BRI3BP: variants seen among roughly 807,000 people sequenced by gnomAD.
The protein encoded by BRI3BP is BRI3 binding protein.
A neutral mutation model predicts 15.8 loss-of-function variants in BRI3BP; 7 were observed. The ratio of observed to expected loss-of-function variants is 0.44; its 90% CI spans 0.25 to 0.83. The LOEUF is 0.83. Among genes scored for constraint, BRI3BP ranks in the 40% least tolerant of loss-of-function variants. The probability of loss-of-function intolerance (pLI) is 0.20; values close to 1 mark genes in which losing one functional copy is unlikely to be tolerated. For synonymous variants in BRI3BP, 192 were observed against 163.5 expected (o/e 1.17, Z -1.33); for missense variants, 320 against 339.3 (o/e 0.94, Z 0.45).
At chr12:125,012,278 A>C (rs1047725879) in intron 1 of BRI3BP, among the ~76,000 whole-genome samples, 2 of 152,222 alleles carry the variant, frequency 1.3e-5, no homozygotes, top group Non-Finnish European at 2.9e-5. Context: ...GCGGCCCTGC[A>C]GAGAGTCCCA....
chr12:124,997,002 G>A (rs530098742), intron 1 of BRI3BP, among the ~76,000 whole-genome samples: 2 of 150,228 alleles, frequency 1.3e-5, no homozygotes, highest in East Asian at 2.0e-4. Context: ...CTCGTAATCC[G>A]CCCTCCTCAG....
At chr12:125,035,171 G>T (rs1339144726), downstream of BRI3BP, among the ~76,000 whole-genome samples, 3 of 152,166 alleles carry the variant, frequency 2.0e-5, no homozygotes, top group Non-Finnish European at 2.9e-5. Context: ...GACTTTGTAT[G>T]AACATACTTT....
At chr12:125,036,472 T>A in the BRI3BP span, among the ~76,000 whole-genome samples, 3 of 152,226 alleles carry the variant, frequency 2.0e-5, no homozygotes, top group South Asian at 6.2e-4. Context: ...CTGCTCATCA[T>A]TGATTATATT....
chr12:125,008,980 T>A (rs11613126), intron 1 of BRI3BP, among the ~76,000 whole-genome samples: 17,793 of 107,744 alleles, frequency 0.17, 1,312 homozygotes, highest in South Asian at 0.37. Context: ...CCTATGAAAA[T>A]TTTTTTTTTT....
At chr12:125,040,388 A>G in the BRI3BP span, among the ~76,000 whole-genome samples, 28 of 151,504 alleles carry the variant, frequency 1.8e-4, no homozygotes, top group East Asian at 5.3e-3. Context: ...CTTTTTGCCC[A>G]GGCTGGAGTG....
chr12:125,011,881 C>T (rs1417330101), intron 1 of BRI3BP, among the ~76,000 whole-genome samples: 1 of 152,158 alleles, frequency 6.6e-6, no homozygotes, highest in Non-Finnish European at 1.5e-5. Flanking sequence ...GCAGAAACTT[C>T]CACTCTTTAA....
rs1955206254 is a variant in BRI3BP at position 125,012,607 on chromosome 12, C to T, written c.287C>T (p.Thr96Ile). 5.0e-6 allele frequency: 8 copies of T among 1,611,544 alleles called. No individual in the cohort carries two copies. The highest frequency in any genetic ancestry group is 5.9e-6 in the Non-Finnish European group (7 of 1,177,764). ...GTGGAGACACTGTGGAAAGTCTGGA[C>T]CGAGCTCTTGGATGTTCTTGGACTT... ...MFVETLWKVW[T>I]ELLDVLGLDV... Residue 96 changes from threonine to isoleucine, a missense_variant, in exon 2 of 3, where the codon ACC becomes ATC. Transcript: ENST00000341446.
At chr12:125,005,773 TTA>T (rs1491198269) in intron 1 of BRI3BP, among the ~76,000 whole-genome samples, 29 of 135,858 alleles carry the variant, frequency 2.1e-4, no homozygotes, top group Admixed American at 4.5e-4. Flanking sequence ...GCAAGACTGT[TTA>T]AAAAAAAAAA....
At chr12:125,037,478 A>G in the BRI3BP span, among the ~76,000 whole-genome samples, 82,204 of 152,098 alleles carry the variant, frequency 0.54, 24,183 homozygotes, top group East Asian at 0.69. Flanking sequence ...CCCTGGAGGA[A>G]GTCCCATCTG....
the BRI3BP span, among the ~76,000 whole-genome samples, chr12:125,045,053 A>G: frequency 6.6e-6 from 1 of 152,236 alleles, no homozygotes; most frequent in Non-Finnish European, 1.5e-5. Flanking sequence ...TCTCATTCTT[A>G]TATCTATACC....
intron 1 of BRI3BP, among the ~76,000 whole-genome samples, chr12:125,010,084 A>G (rs1009535986): frequency 6.7e-6 from 1 of 150,028 alleles, no homozygotes; most frequent in Non-Finnish European, 1.5e-5. Context: ...CCTGGGTGAC[A>G]GAGTGAGACC....
chr12:125,050,312 T>C, the BRI3BP span, among the ~76,000 whole-genome samples: 3 of 150,876 alleles, frequency 2.0e-5, no homozygotes, highest in Admixed American at 6.6e-5. Flanking sequence ...ATCACGCCAC[T>C]GCCCTCCAGG....
chr12:125,013,898 G>A (rs898458838), intron 2 of BRI3BP, among the ~76,000 whole-genome samples: 6 of 152,232 alleles, frequency 3.9e-5, no homozygotes, highest in African/African-American at 1.2e-4. Flanking sequence ...AACGGTCATG[G>A]TAACTGAGCT....
intron 1 of BRI3BP, among the ~76,000 whole-genome samples, chr12:125,002,526 T>G (rs1296331406): frequency 1.3e-5 from 2 of 151,076 alleles, no homozygotes; most frequent in Admixed American, 6.6e-5. Context: ...GCACAATCTC[T>G]GCTCACTGCA....
the BRI3BP span, among the ~76,000 whole-genome samples, chr12:125,038,272 A>G: frequency 6.7e-6 from 1 of 148,254 alleles, no homozygotes; most frequent in Non-Finnish European, 1.5e-5. Context: ...AAAAAAAAAA[A>G]GTTCACCGTT....
At position 125,009,283 on chromosome 12, in the gene BRI3BP, C is replaced by CTTTTTT. The variant is rs1217778458; in HGVS notation, c.214-3232_214-3227dup. Among the ~76,000 whole-genome samples, 266 of 66,578 alleles carry CTTTTTT rather than the reference C, an allele frequency of 4.0e-3. 9 individuals are homozygous for CTTTTTT. The highest frequency in any genetic ancestry group is 5.1e-3 in the Non-Finnish European group (183 of 35,940). 43.7% of individuals were successfully genotyped at this position (66,578 alleles called of 152,430 possible). On this transcript the variant is annotated intron_variant, in intron 1 of 2. Transcript: ENST00000341446. ...GGTGTGGGCCACCGCACCCAGCCAT[C>CTTTTTT]TTTTTTTTTTTTTTTTTTTTTTTTG...
At chr12:125,008,096 C>T (rs911324434) in intron 1 of BRI3BP, among the ~76,000 whole-genome samples, 15 of 135,808 alleles carry the variant, frequency 1.1e-4, no homozygotes, top group African/African-American at 3.7e-4. Context: ...TTCTGGCAAG[C>T]TCCTGGGTGA....
intron 1 of BRI3BP, among the ~76,000 whole-genome samples, chr12:125,004,086 G>A (rs1166700722): frequency 6.6e-6 from 1 of 152,012 alleles, no homozygotes; most frequent in African/African-American, 2.4e-5. Flanking sequence ...GGCCCAAAAT[G>A]TCTTTACAAA....
chr12:124,994,789 C>G (rs2135984500), intron 1 of BRI3BP, among the ~76,000 whole-genome samples: 1 of 152,264 alleles, frequency 6.6e-6, no homozygotes, highest in South Asian at 2.1e-4. Flanking sequence ...TATTGCGGTT[C>G]CTTTGCTGTT....
Sources: allele counts gnomAD v4.1 joint callset (sites outside exome capture counted in the v4.1 genomes callset), GRCh38; gene constraint gnomAD v4.1.1; transcripts MANE v1.5; gene names NCBI Gene and HGNC (gene_info 2026-07-23, HGNC 2026-07-21).